The following YPEL5 variants were observed in gnomAD, a reference collection of about 807,000 sequenced individuals.
The protein encoded by YPEL5 is yippee like 5.
In YPEL5, 1 loss-of-function variant was observed where a neutral mutation model predicts 10.5. That is an observed-to-expected ratio of 0.10 (90% CI 0.03 to 0.45). The LOEUF is 0.45. Among genes scored for constraint, YPEL5 ranks in the 20% least tolerant of loss-of-function variants. YPEL5 has a pLI of 0.97. For synonymous variants in YPEL5, 61 were observed against 56.6 expected (o/e 1.08, Z -0.35); for missense variants, 68 against 159.3 (o/e 0.43, Z 3.09).
intron 1 of YPEL5, among the ~76,000 whole-genome samples, chr2:30,152,962 A>C (rs1241731394): frequency 2.0e-5 from 3 of 148,184 alleles, no homozygotes; most frequent in African/African-American, 7.5e-5. Flanking sequence ...ATGCAGTAGC[A>C]CAATCTCAGC....
In YPEL5 at chr2:30,158,993, CTTTCT is replaced by C; in HGVS notation, c.*154_*158del. ...TCTAAGATGGAACCTTTCTTTCTTT[CTTTCT>C]TTTTTTTTAAATTTTGTATTTTCCA... On this transcript the variant is annotated 3_prime_UTR_variant, in exon 3 of 3. Transcript: ENST00000261353. The C allele has an allele frequency of 1.3e-6, 1 of 756,368 alleles. No individual in the cohort carries two copies. The highest frequency in any genetic ancestry group is 1.8e-5 in the African/African-American group (1 of 56,648). 46.9% of individuals were successfully genotyped at this position (756,368 alleles called of 1,614,324 possible). A position where few individuals can be genotyped will look rare whatever the true frequency, so the allele number is the denominator to read the frequency against.
At chr2:30,153,390 C>T (rs1418944496) in intron 1 of YPEL5, among the ~76,000 whole-genome samples, 1 of 152,192 alleles carries the variant, frequency 6.6e-6, no homozygotes, top group Non-Finnish European at 1.5e-5. Flanking sequence ...AAGGAGCAGG[C>T]AGCTCTCTGG....
At chr2:30,157,727 A>G (rs1676105699) in intron 2 of YPEL5, among the ~76,000 whole-genome samples, 1 of 152,224 alleles carries the variant, frequency 6.6e-6, no homozygotes, top group Admixed American at 6.5e-5. Flanking sequence ...TGTTCTTAGA[A>G]GATCAGATGA....
intron 1 of YPEL5, 88 bp from the exon 2 acceptor site, chr2:30,156,540 T>C: frequency 1.7e-6 from 2 of 1,198,542 alleles, no homozygotes; most frequent in East Asian, 2.3e-5. Flanking sequence ...CATAAATACG[T>C]ATACAAATTG....
Position 30,159,920 on chromosome 2 carries a change from C to G in YPEL5, c.*1077C>G, listed in dbSNP as rs1413785555. ...AATAGTTTCCATCAAAGGCCTAGAT[C>G]TCTTATTTAGCATTTTTTTCAGCTC... On this transcript the variant is annotated 3_prime_UTR_variant, in exon 3 of 3. Coordinates refer to ENST00000261353, the MANE Select transcript of YPEL5 (RefSeq NM_016061.3). The G allele has an allele frequency of 2.0e-5, 3 of 152,588 alleles. No homozygotes were observed. The highest frequency in any genetic ancestry group is 4.4e-5 in the Non-Finnish European group (3 of 68,034). The allele number at this position is 152,588 out of a possible 1,614,324, so 9.5% of individuals were successfully genotyped here.
Position 30,159,020 on chromosome 2 carries a change from T to C in YPEL5, c.*177T>C. The C allele has an allele frequency of 1.5e-6, 1 of 656,346 alleles. No homozygotes were observed. Among genetic ancestry groups the C allele is most frequent in the South Asian group, 2.0e-5 (1 of 49,874 alleles). 40.7% of individuals were successfully genotyped at this position (656,346 alleles called of 1,614,324 possible). The stretch of plus-strand genomic sequence containing the variant: ...TTCTTTTTTTTTAAATTTTGTATTT[T>C]CCATCCAACAGCAGTGTGTAGAGAG... On this transcript the variant is annotated 3_prime_UTR_variant, in exon 3 of 3. Coordinates refer to ENST00000261353, the MANE Select transcript of YPEL5 (RefSeq NM_016061.3).
At chr2:30,158,363 A>G (rs896007683) in intron 2 of YPEL5, among the ~76,000 whole-genome samples, 1 of 152,184 alleles carries the variant, frequency 6.6e-6, no homozygotes, top group African/African-American at 2.4e-5. Flanking sequence ...AAATGTAACT[A>G]GTATGTTTAA....
chr2:30,160,094 C>G lies in YPEL5; in HGVS notation c.*1251C>G, dbSNP rs568303975. The G allele has an allele frequency of 2.6e-5, 4 of 152,730 alleles. No individual in the cohort carries two copies. Among genetic ancestry groups the G allele is most frequent in the East Asian group, 1.9e-4 (1 of 5,188 alleles). The allele number at this position is 152,730 out of a possible 1,614,324, so 9.5% of individuals were successfully genotyped here. On this transcript the variant is annotated 3_prime_UTR_variant, in exon 3 of 3. Transcript: ENST00000261353. Reference sequence around the variant, plus strand: ...AAATGTTTCTTTACCCAAACTACTTCTAGATATTCTAGTATTTGCTTCTGG... The same window carrying G: ...AAATGTTTCTTTACCCAAACTACTTGTAGATATTCTAGTATTTGCTTCTGG...
At chr2:30,151,369 T>C (rs1184221033) in intron 1 of YPEL5, among the ~76,000 whole-genome samples, 1 of 152,164 alleles carries the variant, frequency 6.6e-6, no homozygotes, top group East Asian at 1.9e-4. Context: ...TTATTAATAT[T>C]TCACCAGAGT....
In YPEL5 at chr2:30,158,692, G is replaced by C. The variant is rs1186259979; in HGVS notation, c.215G>C (p.Ser72Thr). The change falls in exon 3 of 3, where the codon AGC (serine) becomes ACC (threonine). Residue 72 changes from serine to threonine, a missense_variant. Around this residue, in one of 2 missense-constraint regions of YPEL5, gnomAD observed 48 missense variants for 138.4 expected, o/e 0.35. Transcript: ENST00000261353. ...LTGRHMVRDVSCKNCNSKLGW... is the reference protein window; with the variant it reads ...LTGRHMVRDVTCKNCNSKLGW... ...GGCCGCCACATGGTTCGAGATGTGA[G>C]CTGCAAAAACTGCAATAGCAAACTG... The C allele has an allele frequency of 6.2e-7, 1 of 1,614,224 alleles. No homozygotes were observed. The highest frequency in any genetic ancestry group is 1.1e-5 in the South Asian group (1 of 91,082).
At chr2:30,156,581 A>C (rs1206571475) in intron 1 of YPEL5, 47 bp from the exon 2 acceptor site, 1 of 1,576,756 alleles carries the variant, frequency 6.3e-7, no homozygotes, top group Non-Finnish European at 8.7e-7. Flanking sequence ...GTAGGTGCTA[A>C]CATGATTATT....
At position 30,156,622 on chromosome 2, in the gene YPEL5, T is replaced by G. The variant is rs1676050640; in HGVS notation, c.-24-6T>G. 3 of 1,612,950 alleles carry G rather than the reference T, an allele frequency of 1.9e-6. No individual in the cohort carries two copies. The East Asian group carries it at 6.7e-5, about 36-fold the overall frequency. On this transcript the variant is annotated splice_region_variant and splice_polypyrimidine_tract_variant and intron_variant, in intron 1 of 2. Transcript: ENST00000261353. ...GCATTTGTTATCCTTTTCTATTTGC[T>G]CCTAGGTTTTTAGAACTTCAGCCAT...
chr2:30,151,887 A>C (rs989068643), intron 1 of YPEL5, among the ~76,000 whole-genome samples: 3 of 152,198 alleles, frequency 2.0e-5, no homozygotes, highest in African/African-American at 7.2e-5. Context: ...ATCTGGGATT[A>C]CTCTAAGTCC....
At chr2:30,150,034 C>A (rs1451492077) in intron 1 of YPEL5, among the ~76,000 whole-genome samples, 1 of 152,160 alleles carries the variant, frequency 6.6e-6, no homozygotes, top group Non-Finnish European at 1.5e-5. Flanking sequence ...AGGGTTGAAA[C>A]CAAACTGGAT....
chr2:30,151,723 C>T (rs1675802179), intron 1 of YPEL5, among the ~76,000 whole-genome samples: 1 of 152,134 alleles, frequency 6.6e-6, no homozygotes, highest in African/African-American at 2.4e-5. Context: ...GCTCTCATTT[C>T]ACTATAAACT....
intron 2 of YPEL5, among the ~76,000 whole-genome samples, chr2:30,157,805 CTT>C (rs1676108053): frequency 6.6e-6 from 1 of 152,200 alleles, no homozygotes; most frequent in Non-Finnish European, 1.5e-5. Context: ...GGCTCATACT[CTT>C]TGACATTTAT....
intron 2 of YPEL5, among the ~76,000 whole-genome samples, chr2:30,157,480 A>G (rs1235975967): frequency 1.3e-5 from 2 of 152,118 alleles, no homozygotes; most frequent in Admixed American, 1.3e-4. Flanking sequence ...GCGAATAACG[A>G]TCATCTAACC....
intron 1 of YPEL5, among the ~76,000 whole-genome samples, chr2:30,152,768 A>G (rs1289595943): frequency 6.6e-6 from 1 of 152,232 alleles, no homozygotes; most frequent in Non-Finnish European, 1.5e-5. Flanking sequence ...ACAGTGTCCC[A>G]TACAGTGTAG....
chr2:30,155,564 T>G (rs1454010033), intron 1 of YPEL5, among the ~76,000 whole-genome samples: 1 of 152,226 alleles, frequency 6.6e-6, no homozygotes, highest in Non-Finnish European at 1.5e-5. Context: ...TGAGAATAAA[T>G]TATGTTTTAA....
Sources: gnomAD v4.1 joint callset for allele counts (sites outside exome capture counted in the v4.1 genomes callset) on GRCh38, gnomAD v4.1.1 for gene constraint, gnomAD v4.1.1 regional missense constraint, MANE v1.5 for transcripts, NCBI Gene and HGNC (gene_info 2026-07-23, HGNC 2026-07-21) for gene names.